FHIP1A: variants seen among roughly 807,000 people sequenced by gnomAD.
FHIP1A encodes the protein FHF complex subunit HOOK-interacting protein 1A.
Under a neutral mutation model 88.6 loss-of-function variants are expected in FHIP1A, and 61 were observed. The ratio of observed to expected loss-of-function variants is 0.69; its 90% CI spans 0.56 to 0.85. FHIP1A has a LOEUF of 0.85. Among genes scored for constraint, FHIP1A ranks in the 40% least tolerant of loss-of-function variants. FHIP1A has a pLI of 0.00. For synonymous variants in FHIP1A, 478 were observed against 496.0 expected (o/e 0.96, Z 0.48); for missense variants, 1,154 against 1,273.5 (o/e 0.91, Z 1.43).
intron 3 of FHIP1A, among the ~76,000 whole-genome samples, chr4:151,522,475 A>G (rs1731482283): frequency 1.3e-5 from 2 of 152,186 alleles, no homozygotes; most frequent in South Asian, 4.1e-4. Flanking sequence ...CTGTTCAGGA[A>G]TCTCCCTGTG....
At chr4:151,424,392 C>T (rs1245671166) in intron 1 of FHIP1A, among the ~76,000 whole-genome samples, 2 of 151,986 alleles carry the variant, frequency 1.3e-5, no homozygotes, top group East Asian at 1.9e-4. Flanking sequence ...TGTTTACTCC[C>T]GAGGGGAGAA....
intron 1 of FHIP1A, among the ~76,000 whole-genome samples, chr4:151,443,683 CTCTGTG>C (rs1429564463): frequency 1.9e-5 from 1 of 51,922 alleles, no homozygotes; most frequent in African/African-American, 8.8e-5. Flanking sequence ...AAATGAAGCA[CTCTGTG>C]TGTGTGTGTG....
At chr4:151,552,550 A>C (rs983549995) in intron 3 of FHIP1A, among the ~76,000 whole-genome samples, 12 of 152,198 alleles carry the variant, frequency 7.9e-5, no homozygotes, top group African/African-American at 2.9e-4. Flanking sequence ...GCTGGAAACC[A>C]TCATTCTGAG....
chr4:151,668,908 A>G lies in FHIP1A; in HGVS notation c.*6154A>G, dbSNP rs71618378. Among the ~76,000 whole-genome samples the G allele has an allele frequency of 0.071, 10,792 of 152,084 alleles. 539 individuals are homozygous for G. The highest frequency in any genetic ancestry group is 0.11 in the Middle Eastern group (33 of 294). ...TCCAGCACACTTCTAACTTCTAGTC[A>G]GAGCCTCAGCATTATACACCCAGCC... On this transcript the variant is annotated 3_prime_UTR_variant, in exon 14 of 14. Coordinates refer to ENST00000435205, the MANE Select transcript of FHIP1A (RefSeq NM_001109977.3).
At chr4:151,650,742 C>T in intron 11 of FHIP1A, 150 bp downstream of exon 11, 14 of 1,038,540 alleles carry the variant, frequency 1.3e-5, no homozygotes, top group Non-Finnish European at 1.9e-5. Context: ...AGAGGGGTGG[C>T]TTTATTTTTA....
intron 1 of FHIP1A, among the ~76,000 whole-genome samples, chr4:151,445,867 T>TATAA (rs1424039686): frequency 7.1e-6 from 1 of 141,378 alleles, no homozygotes; most frequent in Non-Finnish European, 1.5e-5. Flanking sequence ...TATATATATA[T>TATAA]ATATATTTCA....
intron 3 of FHIP1A, among the ~76,000 whole-genome samples, chr4:151,552,614 G>C (rs1339720754): frequency 6.6e-6 from 1 of 151,932 alleles, no homozygotes. Flanking sequence ...TCATAGGTGG[G>C]AATTGAACAA....
chr4:151,593,401 A>G (rs1002025245), intron 7 of FHIP1A, among the ~76,000 whole-genome samples: 3 of 152,186 alleles, frequency 2.0e-5, no homozygotes, highest in Non-Finnish European at 4.4e-5. Context: ...ATGAGCATAG[A>G]ATGTTTTTCC....
chr4:151,422,163 A>T (rs1733194066), intron 1 of FHIP1A, among the ~76,000 whole-genome samples: 1 of 151,830 alleles, frequency 6.6e-6, no homozygotes, highest in Non-Finnish European at 1.5e-5. Flanking sequence ...AAGTGACAAA[A>T]ATGGGAAAGA....
At chr4:151,606,199 A>C (rs1225174861) in intron 7 of FHIP1A, among the ~76,000 whole-genome samples, 2 of 152,176 alleles carry the variant, frequency 1.3e-5, no homozygotes, top group African/African-American at 4.8e-5. Context: ...GTTCTGGAGT[A>C]GGAGAAGGGT....
intron 11 of FHIP1A, among the ~76,000 whole-genome samples, chr4:151,654,054 C>T (rs1188709225): frequency 6.7e-6 from 1 of 149,914 alleles, no homozygotes; most frequent in Non-Finnish European, 1.5e-5. Context: ...ATCCCCCTCA[C>T]ATTTTTTGTT....
At chr4:151,640,799 A>T (rs1416433325) in intron 9 of FHIP1A, among the ~76,000 whole-genome samples, 1 of 152,168 alleles carries the variant, frequency 6.6e-6, no homozygotes, top group Non-Finnish European at 1.5e-5. Context: ...AGTGGCCTTT[A>T]GAAGGTGAGT....
In FHIP1A at chr4:151,505,770, A is replaced by T. The variant is rs1730817171; in HGVS notation, c.-123+23122A>T. 2.0e-5 allele frequency among the ~76,000 whole-genome samples: 3 copies of T among 152,218 alleles called. No homozygotes were observed. The South Asian group carries it at 6.2e-4, about 32-fold the overall frequency. On this transcript the variant is annotated intron_variant, in intron 3 of 13. Transcript: ENST00000435205. ...GAAGAAAGGATCACTTGATACCAGG[A>T]GTTCAAGACCAGCCTTGGCAACATA...
intron 3 of FHIP1A, among the ~76,000 whole-genome samples, chr4:151,544,691 G>A (rs192996774): frequency 3.0e-4 from 45 of 152,234 alleles, no homozygotes; most frequent in African/African-American, 1.1e-3. Context: ...TGGCTGTGTG[G>A]CCTTTCCCCT....
At chr4:151,450,981 T>C (rs565647564) in intron 1 of FHIP1A, among the ~76,000 whole-genome samples, 1 of 152,190 alleles carries the variant, frequency 6.6e-6, no homozygotes, top group South Asian at 2.1e-4. Flanking sequence ...TTTCATCATG[T>C]TGGCTAGGCT....
intron 7 of FHIP1A, among the ~76,000 whole-genome samples, chr4:151,599,107 A>C (rs185958144): frequency 6.6e-6 from 1 of 152,362 alleles, no homozygotes; most frequent in Admixed American, 6.5e-5. Flanking sequence ...CATATGGGAA[A>C]GGATAAATTT....
intron 4 of FHIP1A, among the ~76,000 whole-genome samples, chr4:151,573,880 G>A (rs1474106991): frequency 6.6e-6 from 1 of 152,224 alleles, no homozygotes; most frequent in African/African-American, 2.4e-5. Flanking sequence ...TCAGAGATCA[G>A]TTTATAGAAA....
At chr4:151,471,658 T>G (rs193210082) in intron 2 of FHIP1A, among the ~76,000 whole-genome samples, 9 of 152,222 alleles carry the variant, frequency 5.9e-5, no homozygotes, top group African/African-American at 1.7e-4. Flanking sequence ...TCAGGTGGTG[T>G]TTGGTTACAT....
At chr4:151,647,586 T>C (rs570588251) in intron 10 of FHIP1A, among the ~76,000 whole-genome samples, 14 of 152,360 alleles carry the variant, frequency 9.2e-5, no homozygotes, top group African/African-American at 3.1e-4. Context: ...GTATGTTTGA[T>C]ATTAACGTAA....
Sources: allele counts gnomAD v4.1 joint callset (sites outside exome capture counted in the v4.1 genomes callset), GRCh38; gene constraint gnomAD v4.1.1; transcripts MANE v1.5; gene names NCBI Gene and HGNC (gene_info 2026-07-23, HGNC 2026-07-21).